Variants in VPS33A observed in about 807,000 individuals in gnomAD.
VPS33A encodes the protein vacuolar protein sorting-associated protein 33A.
VPS33A carries 32 observed loss-of-function variants against 71.8 expected under a neutral mutation model. The observed-to-expected ratio is 0.45, with a 90% CI of 0.34 to 0.60. The LOEUF (loss-of-function observed/expected upper bound fraction) is 0.60. VPS33A is among the 20% of genes least tolerant of loss of function. VPS33A has a pLI of 0.02. For synonymous variants in VPS33A, 311 were observed against 292.7 expected, an observed-to-expected ratio of 1.06 and a Z score of -0.64; for missense variants, 625 against 748.5, an observed-to-expected ratio of 0.84 and a Z score of 1.92.
chr12:122,232,934 T>TA lies in VPS33A; in HGVS notation c.1474dup (p.Tyr492LeufsTer33). 6.2e-7 allele frequency: 1 copy of TA among 1,613,768 alleles called. No homozygotes were observed. Among genetic ancestry groups the TA allele is most frequent in the Non-Finnish European group, 8.5e-7 (1 of 1,179,940 alleles). On this transcript the variant is annotated frameshift_variant, in exon 12 of 13. Coordinates refer to ENST00000267199, the MANE Select transcript of VPS33A (RefSeq NM_022916.6). LOFTEE classifies it high-confidence loss of function. ...GGCCAGCCGCACACTGAGCGGGGCA[T>TA]ACCCACTGTACACATACGATATGTC...
chr12:122,259,793 T>TA (rs1954968502), intron 4 of VPS33A, among the ~76,000 whole-genome samples: 1 of 151,750 alleles, frequency 6.6e-6, no homozygotes, highest in Non-Finnish European at 1.5e-5. Flanking sequence ...ATTTCATTTC[T>TA]AAAAAATCTC....
intron 6 of VPS33A, 109 bp from the exon 7 acceptor site, chr12:122,244,871 C>T (rs1432047430): frequency 2.9e-6 from 3 of 1,036,616 alleles, no homozygotes; most frequent in Non-Finnish European, 4.2e-6. Flanking sequence ...TGGAAGACGG[C>T]AAACGACACA....
chr12:122,250,514 C>T (rs915653442), intron 5 of VPS33A, among the ~76,000 whole-genome samples: 3 of 152,178 alleles, frequency 2.0e-5, no homozygotes, highest in South Asian at 2.1e-4. Context: ...CTCTGTGACT[C>T]GTGCCTGAAC....
At chr12:122,263,221 G>A (rs1248159950) in intron 3 of VPS33A, among the ~76,000 whole-genome samples, 1 of 152,032 alleles carries the variant, frequency 6.6e-6, no homozygotes, top group African/African-American at 2.4e-5. Context: ...TCGAACCCCT[G>A]ACCTCAAGTG....
Position 122,238,907 on chromosome 12 carries a change from C to T in VPS33A, c.1165-183G>A, listed in dbSNP as rs549291940. Among the ~76,000 whole-genome samples, 25 of 150,754 alleles carry T rather than the reference C, an allele frequency of 1.7e-4. No homozygotes were observed. The Middle Eastern group carries it at 0.01, about 62-fold the overall frequency. On this transcript the variant is annotated intron_variant, in intron 9 of 12. Transcript: ENST00000267199. Reference sequence around the variant, plus strand: ...TGAGTTATTTTTCCACAGTCCCTAACCCTTCCCCGAAATAGCTCTGCTAGC... The same window carrying T: ...TGAGTTATTTTTCCACAGTCCCTAATCCTTCCCCGAAATAGCTCTGCTAGC...
chr12:122,264,764 CGAT>C (rs931390296), intron 1 of VPS33A: 2 of 152,060 alleles, frequency 1.3e-5, no homozygotes, highest in Non-Finnish European at 2.9e-5. Flanking sequence ...CCAGGGCAAG[CGAT>C]GCTACTGTTG....
rs1566050654 is a variant in VPS33A, at chr12:122,257,657, TGTGA to T, written c.483+3600_483+3603del. On this transcript the variant is annotated intron_variant, in intron 4 of 12. Transcript: ENST00000267199. Reference sequence around the variant, plus strand: ...CAGTGCACTCCAGCCTGGGTGACAGTGTGAGACTCCATCTCAAAAAAAAAAAGAT... The same window carrying T: ...CAGTGCACTCCAGCCTGGGTGACAGTGACTCCATCTCAAAAAAAAAAAGAT... 2.0e-5 allele frequency among the ~76,000 whole-genome samples: 3 copies of T among 151,598 alleles called. No individual in the cohort carries two copies. In the South Asian group the frequency reaches 6.2e-4, roughly 32 times the overall value.
chr12:122,250,213 T>C, intron 5 of VPS33A, 168 bp from the exon 6 acceptor site: 1 of 659,836 alleles, frequency 1.5e-6, no homozygotes, highest in East Asian at 2.9e-5. Context: ...TTGGCACCCA[T>C]CCCGACACTT....
At chr12:122,249,356 G>A (rs1379333797) in intron 6 of VPS33A, 2 of 152,070 alleles carry the variant, frequency 1.3e-5, no homozygotes, top group African/African-American at 4.8e-5. Context: ...CCAAGTAGCT[G>A]GGGCTACAGG....
intron 8 of VPS33A, 48 bp from the exon 9 acceptor site, chr12:122,239,993 T>TCTA: frequency 2.9e-6 from 4 of 1,402,278 alleles, no homozygotes; most frequent in Non-Finnish European, 4.0e-6. Context: ...AATGTTAATT[T>TCTA]ACTTGAGTGG....
chr12:122,250,797 A>G (rs1482057563), intron 5 of VPS33A, among the ~76,000 whole-genome samples, 186 bp downstream of exon 5: 1 of 152,196 alleles, frequency 6.6e-6, no homozygotes, highest in African/African-American at 2.4e-5. Flanking sequence ...GTGCACGCCG[A>G]CAAAAGCACC....
chr12:122,251,419 T>A (rs1248932057), intron 4 of VPS33A, among the ~76,000 whole-genome samples: 1 of 152,156 alleles, frequency 6.6e-6, no homozygotes, highest in Non-Finnish European at 1.5e-5. Context: ...GAATACAGAC[T>A]TACACTGAAC....
chr12:122,235,855 C>A lies in VPS33A; in HGVS notation c.1371G>T (p.Thr457=), dbSNP rs754744464. 2.5e-6 allele frequency: 4 copies of A among 1,613,572 alleles called. No homozygotes were observed. Among genetic ancestry groups the A allele is most frequent in the Admixed American group, 3.3e-5 (2 of 59,944 alleles). Reference sequence around the variant, plus strand: ...TAGTTGGGTAATTGTTTCTGCCCCCCGTCTGCGGTTTCAGCAGGCCGGCCT... The same window carrying A: ...TAGTTGGGTAATTGTTTCTGCCCCCAGTCTGCGGTTTCAGCAGGCCGGCCT... The part of the protein sequence containing the change: ...LEKAGLLKPQ[T]GGRNNYPTIR... The change falls in exon 11 of 13, where the codon ACG becomes ACT. Residue 457 remains threonine, a synonymous_variant. Coordinates refer to ENST00000267199, the MANE Select transcript of VPS33A (RefSeq NM_022916.6).
chr12:122,249,332 T>A (rs1219578346), intron 6 of VPS33A: 1 of 152,132 alleles, frequency 6.6e-6, no homozygotes, highest in African/African-American at 2.4e-5. Flanking sequence ...AAGCAATTCC[T>A]CCATATCAGC....
chr12:122,232,836 C>G lies in VPS33A; in HGVS notation c.1573G>C (p.Glu525Gln). 1 of 1,613,900 alleles carries G rather than the reference C, an allele frequency of 6.2e-7. No individual in the cohort carries two copies. The change falls in exon 12 of 13, where the codon GAG becomes CAG. Residue 525 changes from glutamate (E) to glutamine (Q), a missense_variant. By Grantham distance (29) the Glu-to-Gln change is conservative. Coordinates refer to ENST00000267199, the MANE Select transcript of VPS33A (RefSeq NM_022916.6). ...LRILPGPHFEERQPLPTGLQK... is the reference protein window; with the variant it reads ...LRILPGPHFEQRQPLPTGLQK... ...AGTCCTGTGGGCAGTGGCTGCCGCT[C>G]CTCAAAGTGGGGCCCTGGGAGGATG...
At chr12:122,241,895 C>A (rs761195141) in intron 8 of VPS33A, among the ~76,000 whole-genome samples, 1 of 148,444 alleles carries the variant, frequency 6.7e-6, no homozygotes. Flanking sequence ...GCCTGGCCAA[C>A]AAATGGAACA....
Position 122,232,155 on chromosome 12 carries a change from G to T in VPS33A, c.*91C>A. 8.1e-7 allele frequency: 1 copy of T among 1,232,486 alleles called. No individual in the cohort carries two copies. The highest frequency in any genetic ancestry group is 1.1e-6 in the Non-Finnish European group (1 of 883,850). 76.3% of individuals were successfully genotyped at this position (1,232,486 alleles called of 1,614,324 possible). The stretch of plus-strand genomic sequence containing the variant: ...CCCAGAATATATTCTGTATTCCCAT[G>T]TTTCTTCTATGGGGTTTTACTTCCT... On this transcript the variant is annotated 3_prime_UTR_variant, in exon 13 of 13. Coordinates refer to ENST00000267199, the MANE Select transcript of VPS33A (RefSeq NM_022916.6).
intron 3 of VPS33A, among the ~76,000 whole-genome samples, chr12:122,262,763 T>C (rs1292395371): frequency 6.6e-6 from 1 of 152,030 alleles, no homozygotes; most frequent in Non-Finnish European, 1.5e-5. Flanking sequence ...CTTGAAAGAA[T>C]GGGTAGATAG....
intron 1 of VPS33A, 57 bp downstream of exon 1, chr12:122,266,250 T>C: frequency 6.3e-7 from 1 of 1,593,126 alleles, no homozygotes. Flanking sequence ...AGGGAACGGA[T>C]TAAACCAGGC....
Sources: gnomAD v4.1 joint callset for allele counts (sites outside exome capture counted in the v4.1 genomes callset) on GRCh38, gnomAD v4.1.1 for gene constraint, MANE v1.5 for transcripts, NCBI Gene and HGNC (gene_info 2026-07-23, HGNC 2026-07-21) for gene names.